SCMH1: variants seen among roughly 807,000 people sequenced by gnomAD.
The protein encoded by SCMH1 is Scm polycomb group protein homolog 1, also known as polycomb protein SCMH1.
SCMH1 carries 37 observed loss-of-function variants against 70.8 expected under a neutral mutation model. The ratio of observed to expected loss-of-function variants is 0.52; its 90% CI spans 0.40 to 0.69. The LOEUF (loss-of-function observed/expected upper bound fraction) is 0.69, where lower values mean the gene tolerates loss of function less well. Ranked by LOEUF, SCMH1 falls within the 30% of genes least tolerant of loss-of-function variation. SCMH1 has a pLI of 0.00. For missense variants in SCMH1, 607 were observed against 827.3 expected, an observed-to-expected ratio of 0.73 and a Z score of 3.27; for synonymous variants, 292 against 307.4, an observed-to-expected ratio of 0.95 and a Z score of 0.52.
intron 8 of SCMH1, among the ~76,000 whole-genome samples, chr1:41,085,954 C>T (rs1200354003): frequency 1.3e-5 from 2 of 150,968 alleles, no homozygotes; most frequent in Non-Finnish European, 2.9e-5. Context: ...GATTCTCCTG[C>T]CTCAGCCTCC....
intron 10 of SCMH1, among the ~76,000 whole-genome samples, chr1:41,052,168 T>A (rs764907349): frequency 6.6e-6 from 1 of 152,120 alleles, no homozygotes; most frequent in Non-Finnish European, 1.5e-5. Context: ...TAGGTTTGAG[T>A]AAGTACGCTA....
intron 1 of SCMH1, among the ~76,000 whole-genome samples, chr1:41,225,752 T>C (rs564071805): frequency 3.0e-4 from 46 of 152,252 alleles, no homozygotes; most frequent in African/African-American, 1.1e-3. Flanking sequence ...AAATGACAGG[T>C]GGTTTAAGAA....
rs142636773 is a variant in SCMH1 at position 41,216,554 on chromosome 1, C to G, written c.-118+25505G>C. ...AGTCTGTAAAAGTAAAGCCTCCATC[C>G]CTGCAAAGGTTTGAAGGCTGAAGGC... On this transcript the variant is annotated intron_variant, in intron 1 of 14. Transcript: ENST00000337495. 1.4e-4 allele frequency among the ~76,000 whole-genome samples: 22 copies of G among 152,248 alleles called. No individual in the cohort carries two copies. In the East Asian group the frequency reaches 3.9e-3, roughly 27 times the overall value.
chr1:41,115,416 G>T (rs564874599), intron 7 of SCMH1, among the ~76,000 whole-genome samples: 1 of 152,100 alleles, frequency 6.6e-6, no homozygotes, highest in African/African-American at 2.4e-5. Context: ...ATGATAATTA[G>T]ATAGTGACCT....
intron 5 of SCMH1, among the ~76,000 whole-genome samples, chr1:41,143,351 T>C (rs567037173): frequency 6.6e-6 from 1 of 152,264 alleles, no homozygotes; most frequent in South Asian, 2.1e-4. Context: ...ATGTCTTATA[T>C]AGGCCAGTTA....
chr1:41,060,351 A>G (rs9439033), intron 10 of SCMH1, among the ~76,000 whole-genome samples: 129,033 of 151,974 alleles, frequency 0.85, 55,274 homozygotes, highest in East Asian at 0.96. Flanking sequence ...CTAATGTCTC[A>G]TAAGAAACCA....
chr1:41,102,387 G>A (rs1666849685), intron 8 of SCMH1, among the ~76,000 whole-genome samples: 1 of 152,224 alleles, frequency 6.6e-6, no homozygotes, highest in Non-Finnish European at 1.5e-5. Context: ...TGTGCTGCCA[G>A]CTGGGCTGAT....
At chr1:41,070,506 A>G in intron 10 of SCMH1, 89 bp downstream of exon 10, 2 of 1,470,422 alleles carry the variant, frequency 1.4e-6, no homozygotes, top group Non-Finnish European at 1.8e-6. Context: ...TTACAAGTGG[A>G]AAGGTGCTAA....
At position 41,192,431 on chromosome 1, in the gene SCMH1, C is replaced by T. The variant is rs138056285; in HGVS notation, c.-117-6181G>A. On this transcript the variant is annotated intron_variant, in intron 1 of 14. Transcript: ENST00000337495. The stretch of plus-strand genomic sequence containing the variant: ...TTAGCCTCCTGTGCCTGAGTTTCCT[C>T]CGCAGCAAAATAAAGACAATAATAG... 8.6e-3 allele frequency among the ~76,000 whole-genome samples: 1,303 copies of T among 151,616 alleles called. 7 individuals carry two copies. Among genetic ancestry groups the T allele is most frequent in the Non-Finnish European group, 0.014 (933 of 67,888 alleles).
At chr1:41,177,213 G>C (rs1647224551) in intron 2 of SCMH1, among the ~76,000 whole-genome samples, 1 of 152,114 alleles carries the variant, frequency 6.6e-6, no homozygotes, top group Admixed American at 6.5e-5. Flanking sequence ...CAAACAGAAA[G>C]GACATCCACA....
At chr1:41,231,878 C>T (rs894725377) in intron 1 of SCMH1, among the ~76,000 whole-genome samples, 6 of 151,926 alleles carry the variant, frequency 3.9e-5, no homozygotes, top group East Asian at 1.9e-4. Context: ...AAAAATTAGC[C>T]GGGTGTGGTG....
At chr1:41,187,240 A>T (rs1238211067) in intron 1 of SCMH1, among the ~76,000 whole-genome samples, 5 of 152,066 alleles carry the variant, frequency 3.3e-5, no homozygotes, top group African/African-American at 1.2e-4. Context: ...AGGCTGACGG[A>T]TGCTTGAGGT....
intron 10 of SCMH1, among the ~76,000 whole-genome samples, chr1:41,055,557 G>A (rs1649948411): frequency 6.6e-6 from 1 of 152,028 alleles, no homozygotes; most frequent in African/African-American, 2.4e-5. Flanking sequence ...CACTGTGTTA[G>A]CCAGGACCTT....
chr1:41,087,893 A>G (rs749760325), intron 8 of SCMH1, among the ~76,000 whole-genome samples: 2 of 150,060 alleles, frequency 1.3e-5, no homozygotes, highest in Non-Finnish European at 3.0e-5. Flanking sequence ...ATATTATTGT[A>G]CAATATACTA....
exon 10 of SCMH1, chr1:41,070,658 C>T (rs1311884659): frequency 6.2e-7 from 1 of 1,614,026 alleles, no homozygotes; most frequent in Non-Finnish European, 8.5e-7. Flanking sequence ...GTGCTGGTAT[C>T]CGGTTCAGGA....
At chr1:41,142,661 G>T (rs1484440948) in intron 6 of SCMH1, among the ~76,000 whole-genome samples, 1 of 152,172 alleles carries the variant, frequency 6.6e-6, no homozygotes, top group Non-Finnish European at 1.5e-5. Flanking sequence ...TTTCTTGTTA[G>T]AAAGAATTTG....
At chr1:41,096,057 A>G (rs931711086) in intron 8 of SCMH1, among the ~76,000 whole-genome samples, 1 of 152,234 alleles carries the variant, frequency 6.6e-6, no homozygotes, top group Non-Finnish European at 1.5e-5. Context: ...CCAGAATAGA[A>G]TATACAAAAT....
intron 1 of SCMH1, among the ~76,000 whole-genome samples, chr1:41,234,426 A>G (rs1289056351): frequency 1.4e-5 from 2 of 146,284 alleles, no homozygotes; most frequent in African/African-American, 5.1e-5. Flanking sequence ...ACTGCACTCC[A>G]GGCTGGGCAA....
intron 6 of SCMH1, among the ~76,000 whole-genome samples, chr1:41,120,185 C>G (rs1323043279): frequency 1.3e-5 from 2 of 152,148 alleles, no homozygotes; most frequent in East Asian, 3.8e-4. Flanking sequence ...ATGTAATTCC[C>G]AATTCCATTT....
Sources: gnomAD v4.1 joint callset for allele counts (sites outside exome capture counted in the v4.1 genomes callset) on GRCh38, gnomAD v4.1.1 for gene constraint, MANE v1.5 for transcripts, NCBI Gene and HGNC (gene_info 2026-07-23, HGNC 2026-07-21) for gene names.